Variants in KHDRBS2 observed in about 807,000 individuals in gnomAD.
KHDRBS2 encodes KH RNA binding domain containing, signal transduction associated 2.
In KHDRBS2, 26 loss-of-function variants were observed where a neutral mutation model predicts 44.3. The observed-to-expected ratio is 0.59, with a 90% confidence interval of 0.43 to 0.81. The LOEUF (loss-of-function observed/expected upper bound fraction) is 0.81. Ranked by LOEUF, KHDRBS2 falls within the 40% of genes least tolerant of loss-of-function variation. KHDRBS2 has a pLI of 0.00. For synonymous variants in KHDRBS2, 194 were observed against 151.1 expected (o/e 1.28, Z -2.08); for missense variants, 476 against 433.1 (o/e 1.10, Z -0.88).
intron 6 of KHDRBS2, among the ~76,000 whole-genome samples, chr6:61,782,017 T>G (rs964489740): frequency 6.6e-6 from 1 of 152,054 alleles, no homozygotes; most frequent in Admixed American, 6.6e-5. Context: ...GGAAGTGTTT[T>G]TTGGTTTGTT....
At chr6:61,868,340 G>T (rs1798081722) in intron 6 of KHDRBS2, among the ~76,000 whole-genome samples, 1 of 151,724 alleles carries the variant, frequency 6.6e-6, no homozygotes, top group African/African-American at 2.4e-5. Context: ...TCCCCTCCCT[G>T]CCAGGCACTC....
At chr6:61,766,902 G>A (rs542461867) in intron 6 of KHDRBS2, among the ~76,000 whole-genome samples, 2 of 152,008 alleles carry the variant, frequency 1.3e-5, no homozygotes, top group African/African-American at 4.8e-5. Flanking sequence ...TTTAATCAAT[G>A]TGCTGAGGAG....
At chr6:61,965,398 A>G (rs1180180501) in intron 4 of KHDRBS2, among the ~76,000 whole-genome samples, 3 of 152,034 alleles carry the variant, frequency 2.0e-5, no homozygotes, top group African/African-American at 7.2e-5. Flanking sequence ...ATCTCTAAGT[A>G]TTTACCAGAT....
intron 4 of KHDRBS2, among the ~76,000 whole-genome samples, chr6:61,903,707 A>T (rs866990349): frequency 6.6e-6 from 1 of 152,178 alleles, no homozygotes; most frequent in South Asian, 2.1e-4. Context: ...CATCATGAAA[A>T]GAAGCAGAGA....
intron 5 of KHDRBS2, among the ~76,000 whole-genome samples, chr6:61,897,299 C>T (rs1803091515): frequency 6.6e-6 from 1 of 152,108 alleles, no homozygotes. Context: ...TAAATGAATA[C>T]TCCAATTTAA....
intron 3 of KHDRBS2, among the ~76,000 whole-genome samples, chr6:62,035,823 G>A (rs1376470872): frequency 3.3e-5 from 5 of 151,954 alleles, no homozygotes; most frequent in African/African-American, 7.2e-5. Context: ...ATGTAACAGC[G>A]TGGCTCTGGT....
chr6:62,239,836 C>A (rs780099528), intron 1 of KHDRBS2, among the ~76,000 whole-genome samples: 1 of 151,910 alleles, frequency 6.6e-6, no homozygotes, highest in African/African-American at 2.4e-5. Flanking sequence ...CAGGTGCCCA[C>A]CACCATGCCC....
intron 3 of KHDRBS2, among the ~76,000 whole-genome samples, chr6:61,999,028 G>C (rs937951649): frequency 6.6e-6 from 1 of 151,578 alleles, no homozygotes; most frequent in Non-Finnish European, 1.5e-5. Context: ...ATTTTGTTTT[G>C]AGACTTGTTA....
intron 1 of KHDRBS2, among the ~76,000 whole-genome samples, chr6:62,188,875 A>G (rs1197329739): frequency 6.6e-6 from 1 of 152,158 alleles, no homozygotes; most frequent in Non-Finnish European, 1.5e-5. Flanking sequence ...GCACTTTGAG[A>G]GGCAGAGGCA....
chr6:61,986,550 T>C (rs1775085052), intron 3 of KHDRBS2, among the ~76,000 whole-genome samples: 1 of 152,172 alleles, frequency 6.6e-6, no homozygotes, highest in Admixed American at 6.5e-5. Flanking sequence ...AGCTCAAGTG[T>C]TTTAGAAAGA....
intron 2 of KHDRBS2, among the ~76,000 whole-genome samples, chr6:62,070,648 G>T (rs1794820535): frequency 6.6e-6 from 1 of 152,068 alleles, no homozygotes; most frequent in African/African-American, 2.4e-5. Flanking sequence ...CTTCATCCAT[G>T]CCCCTACAAA....
intron 4 of KHDRBS2, among the ~76,000 whole-genome samples, chr6:61,976,272 A>G (rs1772637142): frequency 6.6e-6 from 1 of 152,132 alleles, no homozygotes; most frequent in South Asian, 2.1e-4. Flanking sequence ...TGATGCTAAG[A>G]TGGGGATACA....
At chr6:61,962,127 A>G (rs1245186819) in intron 4 of KHDRBS2, among the ~76,000 whole-genome samples, 1 of 152,102 alleles carries the variant, frequency 6.6e-6, no homozygotes, top group Non-Finnish European at 1.5e-5. Flanking sequence ...TCTCACAAGT[A>G]AGCTTTGATA....
intron 4 of KHDRBS2, among the ~76,000 whole-genome samples, chr6:61,904,276 C>G (rs1470243371): frequency 6.6e-6 from 1 of 152,166 alleles, no homozygotes; most frequent in African/African-American, 2.4e-5. Context: ...AGAGTCCATG[C>G]TCACCAATTC....
chr6:61,716,897 T>G (rs1049269060), intron 7 of KHDRBS2, among the ~76,000 whole-genome samples: 1 of 152,078 alleles, frequency 6.6e-6, no homozygotes, highest in Non-Finnish European at 1.5e-5. Flanking sequence ...TTTGAAGCAC[T>G]GATTGTGTAT....
At chr6:62,258,553 G>GTGAC (rs1837804022) in intron 1 of KHDRBS2, among the ~76,000 whole-genome samples, 1 of 152,022 alleles carries the variant, frequency 6.6e-6, no homozygotes, top group South Asian at 2.1e-4. Flanking sequence ...GGCTGACAGA[G>GTGAC]TGACACCTTT....
intron 1 of KHDRBS2, among the ~76,000 whole-genome samples, chr6:62,243,289 T>C (rs1247060428): frequency 6.6e-6 from 1 of 152,152 alleles, no homozygotes; most frequent in Admixed American, 6.6e-5. Context: ...AGTTTCTATA[T>C]GCTTCTATAA....
At chr6:61,954,507 T>C (rs955251023) in intron 4 of KHDRBS2, among the ~76,000 whole-genome samples, 1 of 147,998 alleles carries the variant, frequency 6.8e-6, no homozygotes, top group Non-Finnish European at 1.5e-5. Flanking sequence ...ATGCATAATA[T>C]ATATGAATAT....
At chr6:61,952,814 C>T (rs9363573) in intron 4 of KHDRBS2, among the ~76,000 whole-genome samples, 52,028 of 151,782 alleles carry the variant, frequency 0.34, 9,075 homozygotes, top group Middle Eastern at 0.41. Flanking sequence ...ACAAAATAAA[C>T]GGGTAAAACA....
Sources: gnomAD v4.1 joint callset for allele counts (sites outside exome capture counted in the v4.1 genomes callset) on GRCh38, gnomAD v4.1.1 for gene constraint, MANE v1.5 for transcripts, NCBI Gene and HGNC (gene_info 2026-07-23, HGNC 2026-07-21) for gene names.